The following LARS2 variants were observed in gnomAD, a reference collection of about 807,000 sequenced individuals.
LARS2 encodes the protein leucyl-tRNA synthetase 2, mitochondrial.
A neutral mutation model predicts 116.6 loss-of-function variants in LARS2; 81 were observed. The observed-to-expected ratio is 0.69, with a 90% CI of 0.58 to 0.84. The LOEUF (loss-of-function observed/expected upper bound fraction) is 0.84, where lower values mean the gene tolerates loss of function less well. Among genes scored for constraint, LARS2 ranks in the 40% least tolerant of loss-of-function variants. The probability of loss-of-function intolerance (pLI) is 0.00; values close to 1 mark genes in which losing one functional copy is unlikely to be tolerated. For missense variants in LARS2, 968 were observed against 1,114.5 expected (o/e 0.87, Z 1.87); for synonymous variants, 396 against 407.2 (o/e 0.97, Z 0.33).
At chr3:45,518,520 G>A (rs1700406059) in intron 18 of LARS2, among the ~76,000 whole-genome samples, 1 of 152,168 alleles carries the variant, frequency 6.6e-6, no homozygotes, top group South Asian at 2.1e-4. Flanking sequence ...GTACAGATGG[G>A]GACAGAGATG....
In LARS2 at chr3:45,504,748, G is replaced by GT. The variant is rs574369104; in HGVS notation, c.1760+4177dup. Among the ~76,000 whole-genome samples, 141 of 150,236 alleles carry GT rather than the reference G, an allele frequency of 9.4e-4. 1 individual carries two copies. The South Asian group carries it at 0.014, about 15-fold the overall frequency. On this transcript the variant is annotated intron_variant, in intron 15 of 21. Coordinates refer to ENST00000645846, the MANE Select transcript of LARS2 (RefSeq NM_015340.4). Reference sequence around the variant, plus strand: ...CTCACAGATACTACACATTTTTAGTGTTTTTTTTGTTTTGTTTTGTTTGTT... The same window carrying GT: ...CTCACAGATACTACACATTTTTAGTGTTTTTTTTTGTTTTGTTTTGTTTGTT...
intron 15 of LARS2, among the ~76,000 whole-genome samples, chr3:45,504,011 T>A (rs1401235240): frequency 6.6e-6 from 1 of 152,134 alleles, no homozygotes; most frequent in East Asian, 1.9e-4. Context: ...TGCATACATG[T>A]CCTTTGCTTC....
intron 8 of LARS2, among the ~76,000 whole-genome samples, chr3:45,472,025 A>G (rs1035800486): frequency 6.6e-6 from 1 of 152,220 alleles, no homozygotes; most frequent in Non-Finnish European, 1.5e-5. Context: ...ACTTGGTTGC[A>G]AACAACATAA....
chr3:45,394,556 G>C lies in LARS2; in HGVS notation c.103G>C (p.Gly35Arg). 2 of 1,613,952 alleles carry C rather than the reference G, an allele frequency of 1.2e-6. No homozygotes were observed. Among genetic ancestry groups the C allele is most frequent in the Non-Finnish European group, 1.7e-6 (2 of 1,179,822 alleles). ...VIKWERRVIP[G>R]CTRSIYSATG... Reference sequence around the variant, plus strand: ...CAAGTGGGAAAGGAGAGTAATTCCCGGATGTACCAGAAGCATCTACAGTGC... The same window carrying C: ...CAAGTGGGAAAGGAGAGTAATTCCCCGATGTACCAGAAGCATCTACAGTGC... The change falls in exon 3 of 22, where the codon GGA becomes CGA. Residue 35 changes from glycine (G) to arginine (R), a missense_variant. By Grantham distance (125) the Gly-to-Arg change is moderately radical (BLOSUM62 -2). Coordinates refer to ENST00000645846, the MANE Select transcript of LARS2 (RefSeq NM_015340.4).
intron 12 of LARS2, among the ~76,000 whole-genome samples, chr3:45,489,612 G>A (rs1199236903): frequency 6.6e-6 from 1 of 152,114 alleles, no homozygotes; most frequent in African/African-American, 2.4e-5. Context: ...CAGCAGTACT[G>A]GCATCACGTG....
Position 45,500,562 on chromosome 3 carries a change from A to G in LARS2, c.1743A>G (p.Gln581=), listed in dbSNP as rs773124478. The G allele has an allele frequency of 3.8e-6, 6 of 1,568,326 alleles. No homozygotes were observed. The highest frequency in any genetic ancestry group is 1.7e-4 in the Middle Eastern group (1 of 5,978). ...ARFFSHFCHD[Q]KMVKHREPFH... The stretch of plus-strand genomic sequence containing the variant: ...TCTTTAGTCATTTTTGCCATGATCA[A>G]AAAATGGTTAAACATAGGTAAGCAC... The change falls in exon 15 of 22, where the codon CAA becomes CAG. Residue 581 remains glutamine, a synonymous_variant. Coordinates refer to ENST00000645846, the MANE Select transcript of LARS2 (RefSeq NM_015340.4).
intron 4 of LARS2, among the ~76,000 whole-genome samples, chr3:45,411,125 C>T (rs1262015203): frequency 1.3e-5 from 2 of 152,192 alleles, no homozygotes; most frequent in Non-Finnish European, 2.9e-5. Flanking sequence ...AAATGAATAA[C>T]ATACACTGAC....
At chr3:45,447,466 C>G (rs1699041114) in intron 7 of LARS2, among the ~76,000 whole-genome samples, 2 of 152,136 alleles carry the variant, frequency 1.3e-5, no homozygotes, top group African/African-American at 4.8e-5. Context: ...ACAGCCCTGT[C>G]CTAATAAATG....
intron 8 of LARS2, among the ~76,000 whole-genome samples, chr3:45,463,810 G>GT (rs1269369020): frequency 1.3e-5 from 2 of 152,128 alleles, no homozygotes; most frequent in Non-Finnish European, 2.9e-5. Context: ...GACATGAGCT[G>GT]TCACATCTCC....
intron 6 of LARS2, among the ~76,000 whole-genome samples, chr3:45,433,263 A>T (rs996305200): frequency 1.1e-4 from 16 of 151,940 alleles, no homozygotes; most frequent in African/African-American, 3.9e-4. Context: ...ATAATTATTG[A>T]TCTATTAAGA....
At position 45,442,392 on chromosome 3, in the gene LARS2, A is replaced by T. The variant is rs569948474; in HGVS notation, c.517-4499A>T. On this transcript the variant is annotated intron_variant, in intron 6 of 21. Transcript: ENST00000645846. ...CGTTTAGTTGTTCAACAACTATTTT[A>T]TGGGAAGGGATGGACTCATGTTGTA... is the stretch of plus-strand genomic sequence containing the variant. Among the ~76,000 whole-genome samples the T allele has an allele frequency of 3.3e-5, 5 of 152,328 alleles. No individual in the cohort carries two copies. The South Asian group carries it at 1.0e-3, about 32-fold the overall frequency.
intron 6 of LARS2, among the ~76,000 whole-genome samples, chr3:45,423,795 C>T (rs1698551070): frequency 6.6e-6 from 1 of 152,112 alleles, no homozygotes; most frequent in Non-Finnish European, 1.5e-5. Flanking sequence ...TTGGTGTGAT[C>T]TTCGCCCAGG....
At chr3:45,424,107 T>G (rs1234730464) in intron 6 of LARS2, among the ~76,000 whole-genome samples, 1 of 150,338 alleles carries the variant, frequency 6.7e-6, no homozygotes, top group African/African-American at 2.4e-5. Context: ...AGAGTGCAAG[T>G]CTTATTCAGA....
intron 19 of LARS2, among the ~76,000 whole-genome samples, chr3:45,523,046 A>G (rs557736828): frequency 2.0e-5 from 3 of 152,300 alleles, no homozygotes; most frequent in East Asian, 1.9e-4. Flanking sequence ...TCTAGGTTGT[A>G]TAATTATGAG....
At chr3:45,459,918 C>G (rs1001828527) in intron 8 of LARS2, among the ~76,000 whole-genome samples, 1 of 152,142 alleles carries the variant, frequency 6.6e-6, no homozygotes, top group African/African-American at 2.4e-5. Flanking sequence ...ATAGTTGTCC[C>G]CTTCCATGGT....
intron 6 of LARS2, among the ~76,000 whole-genome samples, chr3:45,427,016 G>A (rs1354655922): frequency 1.3e-5 from 2 of 152,172 alleles, no homozygotes; most frequent in African/African-American, 4.8e-5. Context: ...GGCATGGTCT[G>A]TCGCCCCTCG....
intron 6 of LARS2, 134 bp from the exon 7 acceptor site, chr3:45,446,757 T>C (rs1699025967): frequency 1.7e-6 from 1 of 580,720 alleles, no homozygotes; most frequent in Non-Finnish European, 3.1e-6. Flanking sequence ...CTTTACAAAC[T>C]GGTGAAAATA....
chr3:45,505,087 A>T (rs1026702600), intron 15 of LARS2, among the ~76,000 whole-genome samples: 41 of 143,370 alleles, frequency 2.9e-4, no homozygotes, highest in Non-Finnish European at 5.2e-4. Context: ...TCTAAAAATT[A>T]AAAAAAAAAG....
rs552916756 is a variant in LARS2 at position 45,435,474 on chromosome 3, C to G, written c.517-11417C>G. On this transcript the variant is annotated intron_variant, in intron 6 of 21. Coordinates refer to ENST00000645846, the MANE Select transcript of LARS2 (RefSeq NM_015340.4). ...ACTGCAGTTTTTTCTGTGGTATTGG[C>G]TGAAGTAGAATGGTTATTGTCTAAA... Among the ~76,000 whole-genome samples the G allele has an allele frequency of 1.4e-4, 22 of 152,336 alleles. No individual in the cohort carries two copies. In the East Asian group the frequency reaches 4.2e-3, roughly 29 times the overall value.
Sources: gnomAD v4.1 joint callset for allele counts (sites outside exome capture counted in the v4.1 genomes callset) on GRCh38, gnomAD v4.1.1 for gene constraint, MANE v1.5 for transcripts, NCBI Gene and HGNC (gene_info 2026-07-23, HGNC 2026-07-21) for gene names.